Variants in MYO18B observed in about 807,000 individuals in gnomAD.
MYO18B encodes myosin XVIIIB, also known as unconventional myosin-XVIIIb.
In MYO18B, 204 loss-of-function variants were observed where a neutral mutation model predicts 273.0. That is an observed-to-expected ratio of 0.75 (90% confidence interval 0.67 to 0.84). The LOEUF (loss-of-function observed/expected upper bound fraction) is 0.84. Among genes scored for constraint, MYO18B ranks in the 40% least tolerant of loss-of-function variants. The pLI, the probability that MYO18B is intolerant of heterozygous loss-of-function variation, is 0.00. For synonymous variants in MYO18B, 1,330 were observed against 1,305.7 expected, an observed-to-expected ratio of 1.02 and a Z score of -0.40; for missense variants, 3,212 against 3,287.6, an observed-to-expected ratio of 0.98 and a Z score of 0.56.
intron 11 of MYO18B, among the ~76,000 whole-genome samples, chr22:25,792,177 T>C (rs965801701): frequency 2.0e-5 from 3 of 152,100 alleles, no homozygotes; most frequent in African/African-American, 7.2e-5. Flanking sequence ...ACCGTGCCCT[T>C]CCCCAAATGG....
chr22:25,867,273 A>G (rs1000822592), intron 21 of MYO18B, among the ~76,000 whole-genome samples: 1 of 152,220 alleles, frequency 6.6e-6, no homozygotes, highest in African/African-American at 2.4e-5. Context: ...CCGTTAAACA[A>G]TAAGCCTTCA....
chr22:25,916,608 G>C (rs2092264652), intron 33 of MYO18B, among the ~76,000 whole-genome samples: 1 of 152,110 alleles, frequency 6.6e-6, no homozygotes, highest in Admixed American at 6.5e-5. Context: ...GGATGATTTG[G>C]AGTAACTTTC....
At chr22:25,756,422 GCATGCTGAGGTCTCAGCTAGTGA>G (rs1471768209) in intron 1 of MYO18B, 1 of 152,236 alleles carries the variant, frequency 6.6e-6, no homozygotes, top group African/African-American at 2.4e-5. Context: ...GGCTGCGTAG[GCATGCTGAGGTCTCAGCTAGTGA>G]CATGCTGATA....
rs1435970635 is a variant in MYO18B, at chr22:25,779,959, G to C, written c.2069-97G>C. The stretch of plus-strand genomic sequence containing the variant: ...GGGGCTGAGGCCAGGATGGGGACTG[G>C]CCCAAGCAGGGGCCGTGGAAAAGGT... On this transcript the variant is annotated intron_variant, in intron 8 of 43. Transcript: ENST00000335473. 4 of 1,440,168 alleles carry C rather than the reference G, an allele frequency of 2.8e-6. No homozygotes were observed. The Admixed American group carries it at 9.1e-5, about 33-fold the overall frequency. 89.2% of individuals were successfully genotyped at this position (1,440,168 alleles called of 1,614,324 possible). A position where few individuals can be genotyped will look rare whatever the true frequency, so the allele number is the denominator to read the frequency against.
the MYO18B span, among the ~76,000 whole-genome samples, chr22:26,049,174 C>T: frequency 6.6e-6 from 1 of 152,138 alleles, no homozygotes; most frequent in Non-Finnish European, 1.5e-5. Flanking sequence ...TCAAACAGTA[C>T]CCTAAAGATC....
intron 33 of MYO18B, among the ~76,000 whole-genome samples, chr22:25,916,298 T>A (rs538873974): frequency 6.6e-6 from 1 of 152,280 alleles, no homozygotes; most frequent in African/African-American, 2.4e-5. Context: ...TGTTTTATTG[T>A]TTCTTTGTTG....
chr22:26,059,907 C>G, the MYO18B span, among the ~76,000 whole-genome samples: 211 of 152,324 alleles, frequency 1.4e-3, no homozygotes, highest in African/African-American at 5.0e-3. Context: ...AACGTGTTGG[C>G]ATGTCCTAAA....
intron 4 of MYO18B, 106 bp downstream of exon 4, chr22:25,769,534 G>T: frequency 7.4e-6 from 8 of 1,084,284 alleles, no homozygotes; most frequent in South Asian, 3.4e-5. Flanking sequence ...TGGACGGGGG[G>T]TGGGCAGGGA....
intron 1 of MYO18B, among the ~76,000 whole-genome samples, chr22:25,745,567 C>T (rs557222992): frequency 3.3e-5 from 5 of 152,244 alleles, no homozygotes; most frequent in Admixed American, 3.3e-4. Context: ...AATCTCTCCT[C>T]TCCCACAGCC....
At chr22:25,834,665 C>A (rs545769518) in intron 16 of MYO18B, among the ~76,000 whole-genome samples, 24 of 152,242 alleles carry the variant, frequency 1.6e-4, no homozygotes, top group African/African-American at 5.5e-4. Flanking sequence ...TCAGAGAGGC[C>A]CTTTAAACTC....
At chr22:25,967,319 T>C (rs2092990141) in intron 39 of MYO18B, among the ~76,000 whole-genome samples, 1 of 152,234 alleles carries the variant, frequency 6.6e-6, no homozygotes, top group Admixed American at 6.5e-5. Flanking sequence ...CTTAATTGTA[T>C]GCCAGGGAGG....
chr22:26,044,071 A>AT, the MYO18B span, among the ~76,000 whole-genome samples: 1 of 151,996 alleles, frequency 6.6e-6, no homozygotes, highest in Non-Finnish European at 1.5e-5. Flanking sequence ...TTTAATTGGC[A>AT]TTTTTCTAAT....
intron 36 of MYO18B, among the ~76,000 whole-genome samples, chr22:25,948,502 TCTCTTTTC>T: frequency 2.1e-5 from 3 of 143,430 alleles, no homozygotes; most frequent in African/African-American, 7.8e-5. Context: ...CTTTCTTTCC[TCTCTTTTC>T]TCTTTCCTTC....
At chr22:26,012,235 A>G (rs1194417329) in intron 42 of MYO18B, among the ~76,000 whole-genome samples, 3 of 152,254 alleles carry the variant, frequency 2.0e-5, no homozygotes, top group African/African-American at 7.2e-5. Flanking sequence ...TAATTAGTTC[A>G]TTAATTATGG....
In MYO18B at chr22:25,781,644, C is replaced by T. The variant is rs1033833051; in HGVS notation, c.2212-90C>T. The T allele has an allele frequency of 2.5e-5, 15 of 594,476 alleles. No individual in the cohort carries two copies. In the East Asian group the frequency reaches 2.9e-4, roughly 11 times the overall value. 36.8% of individuals were successfully genotyped at this position (594,476 alleles called of 1,614,324 possible). ...AAAAAAAGAGTGGATCAGAGTGGGG[C>T]ACCCCAATGGGGCTTCTGGGTAGCT... On this transcript the variant is annotated intron_variant, in intron 9 of 43. Coordinates refer to ENST00000335473, the MANE Select transcript of MYO18B (RefSeq NM_032608.7).
intron 21 of MYO18B, among the ~76,000 whole-genome samples, chr22:25,851,937 G>A (rs1299473684): frequency 3.3e-5 from 5 of 152,158 alleles, no homozygotes; most frequent in Non-Finnish European, 7.3e-5. Flanking sequence ...ACTCAGCCCA[G>A]AATGACCCTT....
chr22:25,889,175 A>G (rs2091587770), intron 25 of MYO18B, among the ~76,000 whole-genome samples: 1 of 142,548 alleles, frequency 7.0e-6, no homozygotes, highest in Non-Finnish European at 1.5e-5. Flanking sequence ...TCTTGGGGAT[A>G]TATTTTTTTT....
chr22:25,947,735 G>A lies in MYO18B; in HGVS notation c.5655G>A (p.Leu1885=), dbSNP rs750812350. 38 of 1,613,506 alleles carry A rather than the reference G, an allele frequency of 2.4e-5. No individual in the cohort carries two copies. Among genetic ancestry groups the A allele is most frequent in the East Asian group, 2.2e-4 (10 of 44,884 alleles). Residue 1885 remains leucine, a synonymous_variant, in exon 36 of 44, where the codon CTG becomes CTA. Transcript: ENST00000335473. ...AGGTGGATGAGCAGCTGTACAGGCT[G>A]CAGTTTGAGAAGGCGGACCTCCTGA... ...KSLVDEQLYR[L]QFEKADLLKR... is the part of the protein sequence containing the mutation.
intron 1 of MYO18B, among the ~76,000 whole-genome samples, chr22:25,752,188 A>T (rs905206442): frequency 7.3e-6 from 1 of 137,220 alleles, no homozygotes; most frequent in African/African-American, 2.7e-5. Flanking sequence ...ATTTTAATTA[A>T]TTTTTTTTTT....
Sources: allele counts gnomAD v4.1 joint callset (sites outside exome capture counted in the v4.1 genomes callset), GRCh38; gene constraint gnomAD v4.1.1; transcripts MANE v1.5; gene names NCBI Gene and HGNC (gene_info 2026-07-23, HGNC 2026-07-21).